RAVER2: variants seen among roughly 807,000 people sequenced by gnomAD.
RAVER2 encodes the protein ribonucleoprotein, PTB binding 2, also known as ribonucleoprotein PTB-binding 2.
A neutral mutation model predicts 78.1 loss-of-function variants in RAVER2; 46 were observed. The ratio of observed to expected loss-of-function variants is 0.59; its 90% CI spans 0.46 to 0.75. The LOEUF is 0.75. Ranked by LOEUF, RAVER2 falls within the 30% of genes least tolerant of loss-of-function variation. The pLI is 0.00. For synonymous variants in RAVER2, 311 were observed against 313.3 expected (o/e 0.99, Z 0.08); for missense variants, 793 against 837.5 (o/e 0.95, Z 0.66).
chr1:64,817,752 G>A (rs1284165277), intron 11 of RAVER2, among the ~76,000 whole-genome samples: 1 of 134,506 alleles, frequency 7.4e-6, no homozygotes, highest in Non-Finnish European at 1.6e-5. Context: ...GGGGCCTGTC[G>A]TGGGGTGGGG....
intron 11 of RAVER2, among the ~76,000 whole-genome samples, chr1:64,826,576 G>C (rs555528093): frequency 6.6e-6 from 1 of 152,206 alleles, no homozygotes; most frequent in Non-Finnish European, 1.5e-5. Flanking sequence ...GGTCGGGGAG[G>C]CAGAGGGCAC....
At chr1:64,771,095 A>G (rs897288788) in intron 2 of RAVER2, among the ~76,000 whole-genome samples, 4 of 152,050 alleles carry the variant, frequency 2.6e-5, no homozygotes, top group Admixed American at 6.6e-5. Context: ...AGCATGAGGA[A>G]AACTACAGTG....
At chr1:64,749,305 G>T (rs757409883) in intron 1 of RAVER2, among the ~76,000 whole-genome samples, 11 of 152,110 alleles carry the variant, frequency 7.2e-5, no homozygotes, top group Admixed American at 2.6e-4. Flanking sequence ...CCACCTCCTG[G>T]GTTCAAGCGA....
chr1:64,763,296 C>CA (rs1271717911), intron 1 of RAVER2, among the ~76,000 whole-genome samples: 12 of 149,506 alleles, frequency 8.0e-5, no homozygotes, highest in Non-Finnish European at 8.9e-5. Flanking sequence ...GACTCCATCT[C>CA]AAAAAAAAGA....
exon 12 of RAVER2, chr1:64,831,178 T>C (rs1654119069): frequency 2.2e-6 from 1 of 453,994 alleles, no homozygotes; most frequent in Non-Finnish European, 3.8e-6. Flanking sequence ...TTGAGGACAT[T>C]TTCCACTAGA....
chr1:64,797,485 C>T (rs1653126548), intron 5 of RAVER2, among the ~76,000 whole-genome samples: 1 of 152,118 alleles, frequency 6.6e-6, no homozygotes, highest in Non-Finnish European at 1.5e-5. Flanking sequence ...TAATAAAATA[C>T]AGTGATGATA....
rs751082745 is a variant in RAVER2, at chr1:64,789,526, G to A, written c.1105+12G>A. ...AGCTGTTAAACCAGGTATGGACCAT[G>A]TATGTATACTGATTAATTAAAGAAT... On this transcript the variant is annotated intron_variant, in intron 5 of 11. Transcript: ENST00000294428. 5.4e-6 allele frequency: 8 copies of A among 1,473,836 alleles called. No homozygotes were observed. Among genetic ancestry groups the A allele is most frequent in the Non-Finnish European group, 7.2e-6 (8 of 1,110,072 alleles). 91.3% of individuals were successfully genotyped at this position (1,473,836 alleles called of 1,614,324 possible).
rs571702407 is a variant in RAVER2 at position 64,770,190 on chromosome 1, C to T, written c.316+1468C>T. ...CAACTGTTTCTCCATAACTGAAGCT[C>T]TGAGTCATAGGTGTGCACAATTTCA... On this transcript the variant is annotated intron_variant, in intron 2 of 11. Transcript: ENST00000294428. 2.0e-5 allele frequency among the ~76,000 whole-genome samples: 3 copies of T among 152,082 alleles called. No homozygotes were observed. The South Asian group carries it at 6.2e-4, about 32-fold the overall frequency.
exon 11 of RAVER2, chr1:64,814,745 A>G (rs1320677896): frequency 6.3e-7 from 1 of 1,575,220 alleles, no homozygotes; most frequent in Non-Finnish European, 8.6e-7. Flanking sequence ...TGGAATTGCA[A>G]GCAGCATTCT....
Position 64,745,501 on chromosome 1 carries a change from C to A in RAVER2, c.249+80C>A. ...CGTGTCCAGGCTGGGATCGGGGGCG[C>A]CTCAGAGCGGTCCTGGGGAGTGGGT... On this transcript the variant is annotated intron_variant, in intron 1 of 11. Coordinates refer to ENST00000294428, the Ensembl canonical transcript of RAVER2. The surrounding 1 kb of genome is among the most constrained non-coding windows in gnomAD (Gnocchi z 4.3). The A allele has an allele frequency of 7.0e-7, 1 of 1,425,544 alleles. No individual in the cohort carries two copies. The highest frequency in any genetic ancestry group is 9.3e-7 in the Non-Finnish European group (1 of 1,074,194). The allele number at this position is 1,425,544 out of a possible 1,614,324, so 88.3% of individuals were successfully genotyped here.
intron 1 of RAVER2, among the ~76,000 whole-genome samples, chr1:64,753,743 C>CA (rs1651770317): frequency 6.6e-6 from 1 of 151,942 alleles, no homozygotes; most frequent in South Asian, 2.1e-4. Flanking sequence ...AGGCTGGTCT[C>CA]AAACTCCTGA....
chr1:64,768,013 A>C (rs1652218723), intron 1 of RAVER2, among the ~76,000 whole-genome samples: 1 of 151,920 alleles, frequency 6.6e-6, no homozygotes, highest in Non-Finnish European at 1.5e-5. Flanking sequence ...ATGGAACTGC[A>C]TGCTATGCCT....
rs368190210 is a variant in RAVER2, at chr1:64,806,690, G to A, written c.1412-516G>A. ...AGACACTTAACTTGATAGCTGGGAA[G>A]AGATGTGTATTAATAGCTCTCATGA... On this transcript the variant is annotated intron_variant, in intron 8 of 11. Transcript: ENST00000294428. Among the ~76,000 whole-genome samples the A allele has an allele frequency of 2.1e-4, 32 of 152,334 alleles. 7 individuals carry two copies. The highest frequency in any genetic ancestry group is 3.9e-4 in the Admixed American group (6 of 15,300).
At chr1:64,759,094 G>C (rs1044177620) in intron 1 of RAVER2, among the ~76,000 whole-genome samples, 1 of 151,746 alleles carries the variant, frequency 6.6e-6, no homozygotes. Context: ...TAATTAATTT[G>C]AGCTATGTAA....
chr1:64,790,194 A>G (rs940833563), intron 5 of RAVER2, among the ~76,000 whole-genome samples: 1 of 152,196 alleles, frequency 6.6e-6, no homozygotes, highest in African/African-American at 2.4e-5. Context: ...CAGTTTAGTT[A>G]CCTGCAGTCT....
chr1:64,795,303 T>G (rs970081756), intron 5 of RAVER2, among the ~76,000 whole-genome samples: 1 of 152,152 alleles, frequency 6.6e-6, no homozygotes, highest in African/African-American at 2.4e-5. Context: ...CCAGGTTCTT[T>G]GCATTGACTT....
In RAVER2 at chr1:64,750,841, G is replaced by A. The variant is rs529093846; in HGVS notation, c.249+5420G>A. ...TATCTATTAAATTTTCTTTTCTAAT[G>A]CAATTAAACAGAATTGAATTATGGG... is the stretch of plus-strand genomic sequence containing the variant. On this transcript the variant is annotated intron_variant, in intron 1 of 11. Coordinates refer to ENST00000294428, the Ensembl canonical transcript of RAVER2. 8.0e-4 allele frequency among the ~76,000 whole-genome samples: 122 copies of A among 152,190 alleles called. 1 individual carries two copies. The highest frequency in any genetic ancestry group is 8.1e-4 in the Non-Finnish European group (55 of 67,992).
intron 4 of RAVER2, among the ~76,000 whole-genome samples, chr1:64,786,793 A>G (rs1652792348): frequency 6.6e-6 from 1 of 152,102 alleles, no homozygotes; most frequent in African/African-American, 2.4e-5. Flanking sequence ...ACTCTGTCTC[A>G]AGAAAAAAAA....
chr1:64,792,200 C>CAT (rs1557596441), intron 5 of RAVER2, among the ~76,000 whole-genome samples: 1 of 152,128 alleles, frequency 6.6e-6, no homozygotes, highest in Non-Finnish European at 1.5e-5. Context: ...TTTGACTTCC[C>CAT]ATAACATGTC....
Sources: allele counts gnomAD v4.1 joint callset (sites outside exome capture counted in the v4.1 genomes callset), GRCh38; gene constraint gnomAD v4.1.1; non-coding constraint Gnocchi (gnomAD v3.1); transcripts MANE v1.5; gene names NCBI Gene and HGNC (gene_info 2026-07-23, HGNC 2026-07-21).